RIN3: variants seen among roughly 807,000 people sequenced by gnomAD.
The protein encoded by RIN3 is Ras and Rab interactor 3.
A neutral mutation model predicts 76.3 loss-of-function variants in RIN3; 54 were observed. That is an observed-to-expected ratio of 0.71 (90% CI 0.57 to 0.89). The LOEUF (loss-of-function observed/expected upper bound fraction) is 0.89. Among genes scored for constraint, RIN3 ranks in the 40% least tolerant of loss-of-function variants. The pLI, the probability that RIN3 is intolerant of heterozygous loss-of-function variation, is 0.00. For missense variants in RIN3, 1,256 were observed against 1,322.1 expected (o/e 0.95, Z 0.78); for synonymous variants, 576 against 564.0 (o/e 1.02, Z -0.30).
At chr14:92,591,782 C>T (rs886154812) in intron 3 of RIN3, among the ~76,000 whole-genome samples, 1 of 152,090 alleles carries the variant, frequency 6.6e-6, no homozygotes, top group Non-Finnish European at 1.5e-5. Context: ...CTCGAACAAA[C>T]AAACAGTCAG....
intron 1 of RIN3, among the ~76,000 whole-genome samples, chr14:92,515,855 C>G (rs906145543): frequency 2.0e-5 from 3 of 152,146 alleles, no homozygotes; most frequent in African/African-American, 7.2e-5. Flanking sequence ...TAAAACATGG[C>G]TTTGTTTTGG....
chr14:92,551,036 T>C (rs1487643062), intron 1 of RIN3, among the ~76,000 whole-genome samples: 1 of 152,242 alleles, frequency 6.6e-6, no homozygotes, highest in Non-Finnish European at 1.5e-5. Context: ...TTAATGTATT[T>C]CATAGGAATT....
chr14:92,657,856 C>T (rs985134565), intron 6 of RIN3, among the ~76,000 whole-genome samples: 1 of 152,136 alleles, frequency 6.6e-6, no homozygotes, highest in Admixed American at 6.5e-5. Flanking sequence ...GCCTGAGTGG[C>T]AGGGAAGGGC....
Position 92,622,418 on chromosome 14 carries a change from A to G in RIN3, c.440+6939A>G, listed in dbSNP as rs537415047. ...AGCATCCTTATAATTTGATAAGGCC[A>G]TGCCTTCCCATCCTTCCTGTTCTGT... is the stretch of plus-strand genomic sequence containing the variant. On this transcript the variant is annotated intron_variant, in intron 4 of 9. Transcript: ENST00000216487. 9.4e-4 allele frequency among the ~76,000 whole-genome samples: 143 copies of G among 152,312 alleles called. 1 individual carries two copies. The highest frequency in any genetic ancestry group is 1.6e-3 in the Non-Finnish European group (112 of 68,026).
chr14:92,615,083 C>T lies in RIN3; in HGVS notation c.368-324C>T, dbSNP rs1035022177. Among the ~76,000 whole-genome samples, 11 of 152,040 alleles carry T rather than the reference C, an allele frequency of 7.2e-5. No individual in the cohort carries two copies. The East Asian group carries it at 9.7e-4, about 13-fold the overall frequency. ...GTCTTGAACTCCTGACCTTGTGATT[C>T]GCCCATCTCAGCCTCCCAAAGTGCT... On this transcript the variant is annotated intron_variant, in intron 3 of 9. Coordinates refer to ENST00000216487, the MANE Select transcript of RIN3 (RefSeq NM_024832.5).
At chr14:92,522,888 G>A (rs981683272) in intron 1 of RIN3, among the ~76,000 whole-genome samples, 37 of 152,310 alleles carry the variant, frequency 2.4e-4, no homozygotes, top group African/African-American at 8.7e-4. Context: ...TAATGGGGGT[G>A]TCCTTCTCTC....
intron 9 of RIN3, chr14:92,687,616 T>G (rs1595513369): frequency 1.4e-5 from 5 of 363,160 alleles, no homozygotes; most frequent in South Asian, 1.2e-4. Flanking sequence ...AGGGAGGGAA[T>G]GAATGAATGA....
At chr14:92,583,643 A>G (rs1884642287) in intron 3 of RIN3, among the ~76,000 whole-genome samples, 1 of 152,280 alleles carries the variant, frequency 6.6e-6, no homozygotes, top group Non-Finnish European at 1.5e-5. Context: ...TAGCATTTAC[A>G]TTGTATTAGG....
intron 5 of RIN3, among the ~76,000 whole-genome samples, chr14:92,645,370 T>C (rs78242330): frequency 0.063 from 9,577 of 152,286 alleles, 419 homozygotes; most frequent in Non-Finnish European, 0.097. Context: ...AAAAGCCCGT[T>C]TTACAGATAA....
chr14:92,606,487 G>C (rs1046594650), intron 3 of RIN3, among the ~76,000 whole-genome samples: 2 of 152,186 alleles, frequency 1.3e-5, no homozygotes, highest in African/African-American at 4.8e-5. Flanking sequence ...TCAGGCTACA[G>C]TGAGCCATGA....
chr14:92,576,655 ATCACACCAG>A (rs1898244941), intron 2 of RIN3, among the ~76,000 whole-genome samples: 5 of 152,168 alleles, frequency 3.3e-5, no homozygotes, highest in Admixed American at 3.3e-4. Context: ...TCAGTCAGTC[ATCACACCAG>A]CTGGAGGAGG....
rs994445790 is a variant in RIN3 at position 92,641,176 on chromosome 14, G to A, written c.441-62G>A. 9.2e-6 allele frequency: 12 copies of A among 1,300,418 alleles called. No individual in the cohort carries two copies. The African/African-American group carries it at 1.0e-4, about 11-fold the overall frequency. The allele number at this position is 1,300,418 out of a possible 1,614,324, so 80.6% of individuals were successfully genotyped here. On this transcript the variant is annotated intron_variant, in intron 4 of 9. Transcript: ENST00000216487. ...CAGAGATTGCCAGGGCTCTTCCTTT[G>A]TGGAGGCTGGGAATGGACACGGTGG... is the stretch of plus-strand genomic sequence containing the variant.
At chr14:92,589,726 AAGTT>A (rs1555386075) in intron 3 of RIN3, among the ~76,000 whole-genome samples, 1 of 152,196 alleles carries the variant, frequency 6.6e-6, no homozygotes, top group Non-Finnish European at 1.5e-5. Flanking sequence ...TGCTCATAAA[AAGTT>A]AGTTGTCTCT....
chr14:92,539,647 T>C (rs923625491), intron 1 of RIN3, among the ~76,000 whole-genome samples: 2 of 152,100 alleles, frequency 1.3e-5, no homozygotes, highest in Non-Finnish European at 2.9e-5. Context: ...GGACAGGTGG[T>C]GGGGTCAGCA....
chr14:92,674,132 T>A (rs1175016533), intron 7 of RIN3, among the ~76,000 whole-genome samples: 1 of 152,114 alleles, frequency 6.6e-6, no homozygotes, highest in Non-Finnish European at 1.5e-5. Context: ...TCAAACATCC[T>A]CGGGCACCTC....
At chr14:92,687,693 G>C (rs1888914827) in intron 9 of RIN3, 4 of 516,188 alleles carry the variant, frequency 7.7e-6, no homozygotes, top group Non-Finnish European at 1.4e-5. Context: ...CAGGGACTCC[G>C]AGACGCGCCT....
At chr14:92,548,870 A>G (rs943666) in intron 1 of RIN3, among the ~76,000 whole-genome samples, 1 of 151,834 alleles carries the variant, frequency 6.6e-6, no homozygotes, top group Admixed American at 6.6e-5. Flanking sequence ...ACACAATTCA[A>G]CCTCTGAGGT....
intron 3 of RIN3, among the ~76,000 whole-genome samples, chr14:92,587,439 A>G (rs1308314859): frequency 1.3e-5 from 2 of 152,220 alleles, no homozygotes; most frequent in African/African-American, 4.8e-5. Context: ...GAACATAGGG[A>G]CAGTGGAGGA....
At chr14:92,647,351 A>C (rs117459244) in intron 5 of RIN3, among the ~76,000 whole-genome samples, 1 of 152,242 alleles carries the variant, frequency 6.6e-6, no homozygotes, top group Non-Finnish European at 1.5e-5. Flanking sequence ...AAACTAACAT[A>C]AGGAGGAGCA....
Sources: gnomAD v4.1 joint callset for allele counts (sites outside exome capture counted in the v4.1 genomes callset) on GRCh38, gnomAD v4.1.1 for gene constraint, MANE v1.5 for transcripts, NCBI Gene and HGNC (gene_info 2026-07-23, HGNC 2026-07-21) for gene names.